The following CDC14B variants were observed in gnomAD, a reference collection of about 807,000 sequenced individuals.
CDC14B encodes dual specificity protein phosphatase CDC14B.
Under a neutral mutation model 64.2 loss-of-function variants are expected in CDC14B, and 22 were observed. That is an observed-to-expected ratio of 0.34 (90% CI 0.24 to 0.49). The LOEUF (loss-of-function observed/expected upper bound fraction) is 0.49, where lower values mean the gene tolerates loss of function less well. Among genes scored for constraint, CDC14B ranks in the 20% least tolerant of loss-of-function variants. The pLI is 0.99. For missense variants in CDC14B, 498 were observed against 629.9 expected, an observed-to-expected ratio of 0.79 and a Z score of 2.24; for synonymous variants, 191 against 215.8, an observed-to-expected ratio of 0.89 and a Z score of 1.01.
At chr9:96,594,560 C>T (rs895883161) in intron 1 of CDC14B, among the ~76,000 whole-genome samples, 9 of 151,652 alleles carry the variant, frequency 5.9e-5, no homozygotes, top group Non-Finnish European at 1.0e-4. Flanking sequence ...TTACTGAAAA[C>T]ATAAAAATTG....
At chr9:96,597,350 C>T (rs1385067751) in intron 1 of CDC14B, among the ~76,000 whole-genome samples, 1 of 151,980 alleles carries the variant, frequency 6.6e-6, no homozygotes, top group South Asian at 2.1e-4. Context: ...AAAAATTAGC[C>T]GAGCATGGTG....
chr9:96,551,920 T>C, intron 4 of CDC14B, 48 bp from the exon 5 acceptor site: 3 of 1,577,394 alleles, frequency 1.9e-6, no homozygotes, highest in Non-Finnish European at 2.6e-6. Context: ...TAAGTGAAGA[T>C]ACAGTGCTGT....
At chr9:96,578,209 T>A (rs536064179) in intron 1 of CDC14B, among the ~76,000 whole-genome samples, 9 of 152,326 alleles carry the variant, frequency 5.9e-5, no homozygotes, top group Middle Eastern at 3.4e-3. Flanking sequence ...GTAATATGCA[T>A]GAATCCATAC....
intron 4 of CDC14B, among the ~76,000 whole-genome samples, chr9:96,561,431 G>A (rs1045754729): frequency 3.3e-5 from 5 of 152,142 alleles, no homozygotes; most frequent in African/African-American, 7.2e-5. Context: ...CAGAGATAAG[G>A]AGCAAGCTAG....
intron 12 of CDC14B, among the ~76,000 whole-genome samples, chr9:96,521,241 G>A (rs1224124088): frequency 2.0e-5 from 3 of 151,920 alleles, no homozygotes; most frequent in East Asian, 1.9e-4. Flanking sequence ...CATCATGCCC[G>A]GCTAGTTTTT....
At chr9:96,566,673 G>C in intron 1 of CDC14B, 1 of 1,233,810 alleles carries the variant, frequency 8.1e-7, no homozygotes, top group African/African-American at 1.5e-5. Flanking sequence ...GGCGGCCGGG[G>C]CCCAGACTAG....
chr9:96,510,292 TAAGCA>T (rs1834735130), intron 12 of CDC14B, among the ~76,000 whole-genome samples: 1 of 152,210 alleles, frequency 6.6e-6, no homozygotes. Context: ...AGAAAGTGTT[TAAGCA>T]AAATATGAGT....
intron 7 of CDC14B, 142 bp downstream of exon 7, chr9:96,538,932 TTAGG>T: frequency 1.6e-6 from 1 of 617,786 alleles, no homozygotes; most frequent in South Asian, 1.8e-5. Flanking sequence ...ATTAGCTTGA[TTAGG>T]TAATCATTTC....
chr9:96,564,989 C>T, intron 2 of CDC14B, 137 bp from the exon 3 acceptor site: 2 of 572,238 alleles, frequency 3.5e-6, no homozygotes, highest in South Asian at 5.0e-5. Context: ...CTTAAAGGTA[C>T]TGTTTTACTG....
At chr9:96,534,604 C>CA (rs2131735498) in intron 7 of CDC14B, 62 bp from the exon 8 acceptor site, 2 of 1,089,722 alleles carry the variant, frequency 1.8e-6, no homozygotes, top group East Asian at 4.7e-5. Flanking sequence ...CCTCTCTACT[C>CA]AAGACTGAGT....
intron 2 of CDC14B, 70 bp downstream of exon 2, chr9:96,565,323 C>A: frequency 1.1e-6 from 1 of 904,286 alleles, no homozygotes; most frequent in South Asian, 1.5e-5. Flanking sequence ...CCCAGGCCAT[C>A]CCATTTATAA....
chr9:96,590,986 C>T (rs12341383), intron 1 of CDC14B, among the ~76,000 whole-genome samples: 22,920 of 152,102 alleles, frequency 0.15, 5,778 homozygotes, highest in African/African-American at 0.52. Context: ...GCAGGAGTTG[C>T]GTATATATTG....
chr9:96,566,780 CGGCTACCAAAGCT>C, intron 1 of CDC14B: 1 of 1,607,502 alleles, frequency 6.2e-7, no homozygotes, highest in Non-Finnish European at 8.5e-7. Context: ...TTGATCACCT[CGGCTACCAAAGCT>C]GCCCCCGCGC....
chr9:96,500,890 G>GCAAGCACACTGGCCT lies in CDC14B; in HGVS notation c.*2862_*2863insAGGCCAGTGTGCTTG, dbSNP rs1554729486. On this transcript the variant is annotated 3_prime_UTR_variant, in exon 14 of 14. Transcript: ENST00000375241. ...AGCCCAGGCCATCCCGCCCAGCCCA[G>GCAAGCACACTGGCCT]CGAGCACACTGGCCTCATAACAATG... is the stretch of plus-strand genomic sequence containing the variant. 6.6e-6 allele frequency: 1 copy of GCAAGCACACTGGCCT among 151,836 alleles called. No individual in the cohort carries two copies. Among genetic ancestry groups the GCAAGCACACTGGCCT allele is most frequent in the African/African-American group, 2.4e-5 (1 of 41,142 alleles). 9.4% of individuals were successfully genotyped at this position (151,836 alleles called of 1,614,324 possible).
chr9:96,571,416 C>T (rs193016254), intron 1 of CDC14B, among the ~76,000 whole-genome samples: 2,079 of 152,132 alleles, frequency 0.014, 19 homozygotes, highest in Admixed American at 0.029. Flanking sequence ...CCTCGTGATC[C>T]GCCCGCCTCG....
chr9:96,594,304 A>G (rs1196771401), intron 1 of CDC14B, among the ~76,000 whole-genome samples: 2 of 152,242 alleles, frequency 1.3e-5, no homozygotes, highest in African/African-American at 4.8e-5. Flanking sequence ...CTCCCAGGAC[A>G]GAGTAACCAA....
At position 96,501,591 on chromosome 9, in the gene CDC14B, T is replaced by A. The variant is rs1203263858; in HGVS notation, c.*2162A>T. On this transcript the variant is annotated 3_prime_UTR_variant, in exon 14 of 14. Transcript: ENST00000375241. ...ACACCATCCCAAGTCATTTGGTTAT[T>A]ACAAGGAATGCCTCTTCACCAAATC... 6.6e-6 allele frequency: 1 copy of A among 152,604 alleles called. No individual in the cohort carries two copies. Among genetic ancestry groups the A allele is most frequent in the African/African-American group, 2.4e-5 (1 of 41,456 alleles). 9.5% of individuals were successfully genotyped at this position (152,604 alleles called of 1,614,324 possible).
intron 12 of CDC14B, among the ~76,000 whole-genome samples, chr9:96,521,138 C>T (rs1202166509): frequency 6.6e-6 from 1 of 152,172 alleles, no homozygotes; most frequent in Non-Finnish European, 1.5e-5. Context: ...GGCACGATCT[C>T]GGCTCAATGC....
chr9:96,611,358 CTGTT>C (rs1290035819), intron 1 of CDC14B, among the ~76,000 whole-genome samples: 6 of 150,898 alleles, frequency 4.0e-5, no homozygotes, highest in East Asian at 1.9e-4. Flanking sequence ...GCGAACCAGT[CTGTT>C]TGTCTCTAAT....
Sources: gnomAD v4.1 joint callset for allele counts (sites outside exome capture counted in the v4.1 genomes callset) on GRCh38, gnomAD v4.1.1 for gene constraint, MANE v1.5 for transcripts, NCBI Gene and HGNC (gene_info 2026-07-23, HGNC 2026-07-21) for gene names.